The following ARHGEF18 variants were observed in gnomAD, a reference collection of about 807,000 sequenced individuals.
The protein encoded by ARHGEF18 is rho guanine nucleotide exchange factor 18.
A neutral mutation model predicts 155.7 loss-of-function variants in ARHGEF18; 93 were observed. That is an observed-to-expected ratio of 0.60 (90% CI 0.50 to 0.71). The LOEUF is 0.71. Ranked by LOEUF, ARHGEF18 falls within the 30% of genes least tolerant of loss-of-function variation. The probability of loss-of-function intolerance (pLI) is 0.00; values close to 1 mark genes in which losing one functional copy is unlikely to be tolerated. For synonymous variants in ARHGEF18, 742 were observed against 753.1 expected, an observed-to-expected ratio of 0.99 and a Z score of 0.24; for missense variants, 1,593 against 1,816.1, an observed-to-expected ratio of 0.88 and a Z score of 2.23.
intron 2 of ARHGEF18, among the ~76,000 whole-genome samples, chr19:7,370,506 A>G (rs1970155710): frequency 6.6e-6 from 1 of 152,008 alleles, no homozygotes. Context: ...AAAAAATAAT[A>G]AATAAATAAA....
intron 10 of ARHGEF18, among the ~76,000 whole-genome samples, chr19:7,394,787 C>T (rs565480209): frequency 3.3e-5 from 5 of 152,296 alleles, no homozygotes; most frequent in African/African-American, 9.6e-5. Context: ...CCCACCTAAC[C>T]CTGCTGCTCT....
chr19:7,458,619 G>A lies in ARHGEF18; in HGVS notation c.2289G>A (p.Met763Ile), dbSNP rs201240706. Residue 763 changes from methionine (M) to isoleucine (I), a missense_variant, in exon 19 of 29, where the codon ATG becomes ATA. Met to Ile is a conservative substitution (Grantham distance 10). Coordinates refer to ENST00000668164, the MANE Select transcript of ARHGEF18 (RefSeq NM_001367823.1). The part of the protein sequence containing the change: ...LISASLQGPE[M>I]YEIYTSSKED... ...GCGCCTCCTTGCAAGGGCCGGAGAT[G>A]TATGAAATCTACACGAGCTCCAAAG... The A allele has an allele frequency of 2.2e-4, 358 of 1,613,576 alleles. No homozygotes were observed. The highest frequency in any genetic ancestry group is 2.9e-4 in the Non-Finnish European group (343 of 1,179,888).
At chr19:7,399,785 T>C (rs1971934402) in intron 10 of ARHGEF18, among the ~76,000 whole-genome samples, 1 of 151,632 alleles carries the variant, frequency 6.6e-6, no homozygotes, top group Admixed American at 6.6e-5. Context: ...TTTTTTTTTT[T>C]TTTTGAGACA....
rs777868782 is a variant in ARHGEF18, at chr19:7,462,301, G to T, written c.2602G>T (p.Gly868Trp). Residue 868 changes from glycine (G) to tryptophan (W), a missense_variant, in exon 21 of 29, where the codon GGG (glycine) becomes TGG (tryptophan). Coordinates refer to ENST00000668164, the MANE Select transcript of ARHGEF18 (RefSeq NM_001367823.1). This position sits in a 1 kb window ranked among gnomAD's most constrained non-coding sequence, Gnocchi z 4.4. The part of the protein sequence containing the change: ...RGGDPSETLQ[G>W]ELILKSAMSE... The stretch of plus-strand genomic sequence containing the variant: ...AGGGGACCCATCCGAGACCCTGCAG[G>T]GGGAGCTAATTCTCAAGTCGGCCAT... The T allele has an allele frequency of 4.9e-5, 79 of 1,607,990 alleles. No homozygotes were observed. Among genetic ancestry groups the T allele is most frequent in the Middle Eastern group, 1.7e-4 (1 of 6,038 alleles).
chr19:7,425,932 C>T (rs887174185), intron 10 of ARHGEF18, among the ~76,000 whole-genome samples: 72 of 150,432 alleles, frequency 4.8e-4, no homozygotes, highest in African/African-American at 1.5e-3. Context: ...CTCAGGAGTT[C>T]GAGGCTACAG....
At chr19:7,416,802 A>G (rs1973054128) in intron 10 of ARHGEF18, among the ~76,000 whole-genome samples, 1 of 147,966 alleles carries the variant, frequency 6.8e-6, no homozygotes, top group Non-Finnish European at 1.5e-5. Flanking sequence ...ACGGGGTTTC[A>G]CTGTGTTAGC....
chr19:7,472,773 C>T, downstream of ARHGEF18: 1 of 350,788 alleles, frequency 2.9e-6, no homozygotes, highest in Non-Finnish European at 5.7e-6. Context: ...GTTCTCAGCT[C>T]ACTGCAACCT....
rs1015660027 is a variant in ARHGEF18 at position 7,395,160 on chromosome 19, T to A, written c.967+11957T>A. ...GCTCCCAGCTGCTAGCTACTGTGGATCTGGGGGGGCCGGACGGAGGCATCG... is the reference window on the plus strand; with the variant it reads ...GCTCCCAGCTGCTAGCTACTGTGGAACTGGGGGGGCCGGACGGAGGCATCG... On this transcript the variant is annotated intron_variant, in intron 10 of 28. Transcript: ENST00000668164. The surrounding 1 kb of genome is among the most constrained non-coding windows in gnomAD (Gnocchi z 5.0). The A allele has an allele frequency of 4.1e-6, 4 of 985,894 alleles. No individual in the cohort carries two copies. The highest frequency in any genetic ancestry group is 4.8e-6 in the Non-Finnish European group (4 of 830,310). 61.1% of individuals were successfully genotyped at this position (985,894 alleles called of 1,614,324 possible). A position where few individuals can be genotyped will look rare whatever the true frequency, so the allele number is the denominator to read the frequency against.
intron 10 of ARHGEF18, among the ~76,000 whole-genome samples, chr19:7,416,553 G>T (rs1275701308): frequency 1.3e-5 from 2 of 149,406 alleles, no homozygotes; most frequent in Non-Finnish European, 3.0e-5. Flanking sequence ...GTGTGTGTGT[G>T]TGTGTGTGTG....
intron 1 of ARHGEF18, among the ~76,000 whole-genome samples, chr19:7,360,671 A>G (rs1969509526): frequency 6.6e-6 from 1 of 152,188 alleles, no homozygotes; most frequent in African/African-American, 2.4e-5. Context: ...CCAACCCTGC[A>G]GGCTCTCCTC....
chr19:7,387,777 C>A (rs1315501217), intron 10 of ARHGEF18, among the ~76,000 whole-genome samples: 1 of 151,998 alleles, frequency 6.6e-6, no homozygotes, highest in Admixed American at 6.6e-5. Flanking sequence ...TCAAGCGATT[C>A]TCACGCCTCA....
intron 2 of ARHGEF18, 129 bp from the exon 3 acceptor site, chr19:7,372,683 C>T: frequency 1.0e-6 from 1 of 982,994 alleles, no homozygotes; most frequent in South Asian, 5.4e-5. Flanking sequence ...GCGCTGAGCC[C>T]AGGAGGGACA....
At chr19:7,367,597 T>C (rs1056902155) in intron 2 of ARHGEF18, among the ~76,000 whole-genome samples, 3 of 150,546 alleles carry the variant, frequency 2.0e-5, no homozygotes, top group Non-Finnish European at 3.0e-5. Flanking sequence ...AATAAAAAAA[T>C]TAGCCAGGTG....
chr19:7,383,339 G>A, intron 10 of ARHGEF18, 136 bp downstream of exon 10: 2 of 1,017,070 alleles, frequency 2.0e-6, no homozygotes, highest in Non-Finnish European at 2.5e-6. Flanking sequence ...GCGGCTCCCT[G>A]GAGAGAACCA....
chr19:7,362,024 A>G (rs1352161169), intron 1 of ARHGEF18, among the ~76,000 whole-genome samples: 3 of 12,458 alleles, frequency 2.4e-4, no homozygotes, highest in African/African-American at 4.3e-4. Flanking sequence ...AAGGAGAAGG[A>G]GAAGGAGAAG....
intron 2 of ARHGEF18, among the ~76,000 whole-genome samples, chr19:7,370,059 T>C (rs866881346): frequency 7.2e-5 from 11 of 151,928 alleles, no homozygotes; most frequent in Admixed American, 2.6e-4. Context: ...CAGCCGGGCA[T>C]GGTGGTGCAC....
At chr19:7,405,962 T>C (rs1272125258) in intron 10 of ARHGEF18, among the ~76,000 whole-genome samples, 2 of 152,190 alleles carry the variant, frequency 1.3e-5, no homozygotes, top group Admixed American at 6.5e-5. Context: ...CTTAGGCTCT[T>C]TACAACACAG....
intron 10 of ARHGEF18, among the ~76,000 whole-genome samples, chr19:7,401,755 G>A (rs1972028099): frequency 6.6e-6 from 1 of 152,094 alleles, no homozygotes; most frequent in African/African-American, 2.4e-5. Flanking sequence ...TGAAAACATA[G>A]GTCTACACAA....
intron 1 of ARHGEF18, among the ~76,000 whole-genome samples, chr19:7,351,095 C>T (rs989162466): frequency 2.0e-5 from 3 of 151,974 alleles, no homozygotes; most frequent in Admixed American, 1.3e-4. Context: ...TGAACCACCT[C>T]GCTCAGCCTT....
Sources: allele counts gnomAD v4.1 joint callset (sites outside exome capture counted in the v4.1 genomes callset), GRCh38; gene constraint gnomAD v4.1.1; non-coding constraint Gnocchi (gnomAD v3.1); transcripts MANE v1.5; gene names NCBI Gene and HGNC (gene_info 2026-07-23, HGNC 2026-07-21).